Variants in GTPBP1 observed in about 807,000 individuals in gnomAD.
The protein encoded by GTPBP1 is GTP-binding protein 1.
GTPBP1 carries 23 observed loss-of-function variants against 62.0 expected under a neutral mutation model. The ratio of observed to expected loss-of-function variants is 0.37; its 90% confidence interval spans 0.27 to 0.53. The LOEUF (loss-of-function observed/expected upper bound fraction) is 0.53, where lower values mean the gene tolerates loss of function less well. Among genes scored for constraint, GTPBP1 ranks in the 20% least tolerant of loss-of-function variants. GTPBP1 has a pLI of 0.89. For missense variants in GTPBP1, 640 were observed against 917.3 expected (o/e 0.70, Z 3.90); for synonymous variants, 344 against 364.4 (o/e 0.94, Z 0.64).
At chr22:38,738,887 G>T (rs775697034), downstream of GTPBP1, 21 of 1,606,216 alleles carry the variant, frequency 1.3e-5, no homozygotes, top group Non-Finnish European at 1.8e-5. This position sits in a 1 kb window ranked among gnomAD's most constrained non-coding sequence, Gnocchi z 6.6. Context: ...AGGATGACTC[G>T]GGGTGACTGG....
rs754379522 is a variant in GTPBP1 at position 38,729,489 on chromosome 22, A to G, written c.1744A>G (p.Met582Val). 51 of 1,608,732 alleles carry G rather than the reference A, an allele frequency of 3.2e-5. No individual in the cohort carries two copies. The highest frequency in any genetic ancestry group is 1.7e-4 in the Admixed American group (10 of 59,380). ...KLLQTTNNSP[M>V]NSKPQQIKMQ... ...CCTCCAGACCACCAACAACTCCCCA[A>G]TGAACTCCAAGCCGCAGCAGATTAA... Residue 582 changes from methionine (M) to valine (V), a missense_variant, in exon 11 of 12, where the codon ATG becomes GTG. By Grantham distance (21) the Met-to-Val change is conservative. Transcript: ENST00000216044.
intron 5 of GTPBP1, 64 bp from the exon 6 acceptor site, chr22:38,724,233 C>T (rs138695): frequency 0.037 from 34,074 of 924,258 alleles, 1,658 homozygotes; most frequent in African/African-American, 0.17. Flanking sequence ...ACCCATCTTG[C>T]TCTTAAAGCC....
intron 5 of GTPBP1, among the ~76,000 whole-genome samples, chr22:38,723,940 G>T (rs572484289): frequency 1.3e-5 from 2 of 152,308 alleles, no homozygotes; most frequent in South Asian, 2.1e-4. Flanking sequence ...TGTTGGATGA[G>T]ATTTTTTTCC....
chr22:38,727,260 T>C lies in GTPBP1; in HGVS notation c.1449T>C (p.Arg483=). 6.2e-7 allele frequency: 1 copy of C among 1,602,344 alleles called. No homozygotes were observed. Among genetic ancestry groups the C allele is most frequent in the Non-Finnish European group, 8.5e-7 (1 of 1,174,274 alleles). Residue 483 remains arginine, a synonymous_variant, in exon 9 of 12, where the codon CGT becomes CGC. Coordinates refer to ENST00000216044, the MANE Select transcript of GTPBP1 (RefSeq NM_004286.5). This position sits in a 1 kb window ranked among gnomAD's most constrained non-coding sequence, Gnocchi z 6.5. ...AGGGCATGGTGATGGTTTCCCCACG[T>C]TTGAATCCCCAAGCCTCCTGGGAGT... ...IRKGMVMVSP[R]LNPQASWEFE... is the part of the protein sequence containing the mutation.
intron 5 of GTPBP1, among the ~76,000 whole-genome samples, chr22:38,724,004 G>T (rs2092714117): frequency 6.6e-6 from 1 of 152,090 alleles, no homozygotes; most frequent in Non-Finnish European, 1.5e-5. Flanking sequence ...TTTTCTTGGG[G>T]ACCCTCAAGT....
chr22:38,736,459 GCCT>G, downstream of GTPBP1: 2 of 1,233,768 alleles, frequency 1.6e-6, no homozygotes, highest in South Asian at 1.5e-5. Flanking sequence ...AGGGGAGACA[GCCT>G]CGCCTAGGGC....
At chr22:38,739,311 CA>C (rs1189234337), downstream of GTPBP1, 2 of 1,610,478 alleles carry the variant, frequency 1.2e-6, no homozygotes, top group Non-Finnish European at 1.7e-6. This position sits in a 1 kb window ranked among gnomAD's most constrained non-coding sequence, Gnocchi z 6.7. Context: ...GGGTCCAGGA[CA>C]AGGCAGAGCG....
In GTPBP1 at chr22:38,727,352, G is replaced by A; in HGVS notation, c.1537+4G>A. The A allele has an allele frequency of 6.4e-7, 1 of 1,568,152 alleles. No individual in the cohort carries two copies. The highest frequency in any genetic ancestry group is 8.6e-7 in the Non-Finnish European group (1 of 1,156,494). On this transcript the variant is annotated splice_donor_region_variant and intron_variant, in intron 9 of 11. Coordinates refer to ENST00000216044, the MANE Select transcript of GTPBP1 (RefSeq NM_004286.5). This position sits in a 1 kb window ranked among gnomAD's most constrained non-coding sequence, Gnocchi z 6.5. ...AGCCCGCGCTACCAGGCCATGGGTA[G>A]GTGTCTAAGGCCCTGCCAGCCCAGG...
At chr22:38,724,432 A>G in intron 6 of GTPBP1, 21 bp downstream of exon 6, 1 of 1,409,660 alleles carries the variant, frequency 7.1e-7, no homozygotes, top group Non-Finnish European at 1.0e-6. Flanking sequence ...GGGAGCGCAC[A>G]CTTCAGACAG....
At chr22:38,708,570 C>T (rs1041246930) in intron 1 of GTPBP1, among the ~76,000 whole-genome samples, 1 of 152,190 alleles carries the variant, frequency 6.6e-6, no homozygotes, top group Admixed American at 6.5e-5. Flanking sequence ...TCCTGCCCTT[C>T]CTGTTAAGCA....
rs1231754854 is a variant in GTPBP1 at position 38,724,434 on chromosome 22, T to G, written c.1073+23T>G. The stretch of plus-strand genomic sequence containing the variant: ...AAGGTAACGCGTGGGGAGCGCACAC[T>G]TCAGACAGGCACCCTTGCAGGCAGG... On this transcript the variant is annotated intron_variant, in intron 6 of 11. Transcript: ENST00000216044. The G allele has an allele frequency of 5.8e-6, 8 of 1,369,344 alleles. 1 individual carries two copies. In the South Asian group the frequency reaches 9.3e-5, roughly 16 times the overall value. 84.8% of individuals were successfully genotyped at this position (1,369,344 alleles called of 1,614,324 possible).
chr22:38,736,044 C>T (rs2092801816), downstream of GTPBP1: 1 of 591,722 alleles, frequency 1.7e-6, no homozygotes, highest in Non-Finnish European at 3.1e-6. Flanking sequence ...GAAGCAGACG[C>T]CACGGGCACA....
chr22:38,708,150 T>A (rs1015465797), intron 1 of GTPBP1, among the ~76,000 whole-genome samples: 15 of 152,210 alleles, frequency 9.9e-5, no homozygotes, highest in African/African-American at 3.6e-4. Context: ...AAACTGAAAC[T>A]CAGAGTGGTT....
At chr22:38,719,951 C>T (rs1186111174) in intron 4 of GTPBP1, among the ~76,000 whole-genome samples, 36 of 135,862 alleles carry the variant, frequency 2.6e-4, no homozygotes, top group African/African-American at 1.0e-3. Context: ...TTTTTTGAGA[C>T]GGAGTCTCGC....
Position 38,730,360 on chromosome 22 carries a change from C to A in GTPBP1, c.1918-252C>A, listed in dbSNP as rs1221032141. Among the ~76,000 whole-genome samples, 2 of 152,208 alleles carry A rather than the reference C, an allele frequency of 1.3e-5. No individual in the cohort carries two copies. The highest frequency in any genetic ancestry group is 2.9e-5 in the Non-Finnish European group (2 of 68,036). Reference sequence around the variant, plus strand: ...TGCTTTGTGCTTCTCTGAACGGCCGCTTCTCACACCCTCATCATGTGTGTC... The same window carrying A: ...TGCTTTGTGCTTCTCTGAACGGCCGATTCTCACACCCTCATCATGTGTGTC... On this transcript the variant is annotated intron_variant, in intron 11 of 11. Coordinates refer to ENST00000216044, the MANE Select transcript of GTPBP1 (RefSeq NM_004286.5). This position sits in a 1 kb window ranked among gnomAD's most constrained non-coding sequence, Gnocchi z 5.6.
At position 38,728,013 on chromosome 22, in the gene GTPBP1, C is replaced by T. The variant is rs902160310; in HGVS notation, c.1568C>T (p.Thr523Ile). 3 of 1,613,860 alleles carry T rather than the reference C, an allele frequency of 1.9e-6. No homozygotes were observed. In the African/African-American group the frequency reaches 4.0e-5, roughly 22 times the overall value. ...TGTGGGAGCATCAGGCAGACAGCCA[C>T]CATTCTGAGCATGGACAAGGACTGT... ...VHCGSIRQTA[T>I]ILSMDKDCLR... The change falls in exon 10 of 12, where the codon ACC (threonine) becomes ATC (isoleucine). Residue 523 changes from threonine to isoleucine, a missense_variant. Thr to Ile is a moderately conservative substitution (Grantham distance 89). Transcript: ENST00000216044.
intron 2 of GTPBP1, among the ~76,000 whole-genome samples, chr22:38,713,812 G>A (rs944479555): frequency 6.6e-6 from 1 of 152,200 alleles, no homozygotes; most frequent in Non-Finnish European, 1.5e-5. Flanking sequence ...AAAGAGGGTT[G>A]GGTTGGGTGT....
chr22:38,713,408 T>C (rs1339987819), intron 2 of GTPBP1, among the ~76,000 whole-genome samples: 1 of 152,134 alleles, frequency 6.6e-6, no homozygotes, highest in East Asian at 1.9e-4. Flanking sequence ...AGAGACTGAA[T>C]TTGTAAAGAC....
At chr22:38,741,603 CAG>C (rs1165340080), downstream of GTPBP1, 25 of 1,602,112 alleles carry the variant, frequency 1.6e-5, no homozygotes, top group Admixed American at 4.2e-4. Context: ...ACAGGTTGGA[CAG>C]AGCCATGCTT....
Sources: gnomAD v4.1 joint callset for allele counts (sites outside exome capture counted in the v4.1 genomes callset) on GRCh38, gnomAD v4.1.1 for gene constraint, Gnocchi (gnomAD v3.1) non-coding constraint, MANE v1.5 for transcripts, NCBI Gene and HGNC (gene_info 2026-07-23, HGNC 2026-07-21) for gene names.